The following SEMA6D variants were observed in gnomAD, a reference collection of about 807,000 sequenced individuals.
SEMA6D encodes the protein semaphorin-6D.
SEMA6D carries 35 observed loss-of-function variants against 106.6 expected under a neutral mutation model. The ratio of observed to expected loss-of-function variants is 0.33; its 90% CI spans 0.25 to 0.44. The LOEUF is 0.44. Among genes scored for constraint, SEMA6D ranks in the 20% least tolerant of loss-of-function variants. SEMA6D has a pLI of 1.00. For synonymous variants in SEMA6D, 499 were observed against 487.7 expected, an observed-to-expected ratio of 1.02 and a Z score of -0.31; for missense variants, 1,185 against 1,345.9, an observed-to-expected ratio of 0.88 and a Z score of 1.87.
At chr15:47,500,457 T>C (rs2043812119) in intron 3 of SEMA6D, among the ~76,000 whole-genome samples, 1 of 152,158 alleles carries the variant, frequency 6.6e-6, no homozygotes, top group Admixed American at 6.6e-5. Flanking sequence ...ATTTATTCCA[T>C]ACTTTTATCA....
At chr15:47,510,416 G>A (rs2044188295) in intron 3 of SEMA6D, among the ~76,000 whole-genome samples, 1 of 152,134 alleles carries the variant, frequency 6.6e-6, no homozygotes, top group Non-Finnish European at 1.5e-5. Flanking sequence ...GACCACTGCT[G>A]TAATCTACTG....
chr15:47,385,686 TAAAA>T (rs201948435), intron 1 of SEMA6D, among the ~76,000 whole-genome samples: 1 of 143,626 alleles, frequency 7.0e-6, no homozygotes, highest in Non-Finnish European at 1.5e-5. Context: ...GAATTTTTTT[TAAAA>T]AAAACAAGAA....
At chr15:47,439,373 G>A (rs1385802624) in intron 2 of SEMA6D, among the ~76,000 whole-genome samples, 2 of 152,024 alleles carry the variant, frequency 1.3e-5, no homozygotes, top group African/African-American at 4.8e-5. Context: ...GCCCTTAGAA[G>A]TCTTTAATTA....
intron 4 of SEMA6D, among the ~76,000 whole-genome samples, chr15:47,615,755 G>C (rs568817197): frequency 6.6e-6 from 1 of 152,306 alleles, no homozygotes; most frequent in Admixed American, 6.5e-5. Context: ...TATTTTATTT[G>C]ACACTCATGC....
At chr15:47,343,579 C>T (rs1210975631) in intron 1 of SEMA6D, among the ~76,000 whole-genome samples, 3 of 152,068 alleles carry the variant, frequency 2.0e-5, no homozygotes, top group Admixed American at 6.6e-5. Context: ...CTACAAAGGA[C>T]ATGAACTCAT....
intron 1 of SEMA6D, among the ~76,000 whole-genome samples, chr15:47,256,701 A>G (rs1335417780): frequency 4.6e-5 from 7 of 152,034 alleles, no homozygotes. Context: ...TGTACTAAAA[A>G]TACAAAAATT....
intron 4 of SEMA6D, among the ~76,000 whole-genome samples, chr15:47,611,886 C>A (rs973789319): frequency 6.6e-6 from 1 of 151,858 alleles, no homozygotes; most frequent in Non-Finnish European, 1.5e-5. Context: ...AGCCAGTGCC[C>A]GATGGAAAAT....
At chr15:47,318,522 G>GT (rs1456477910) in intron 1 of SEMA6D, among the ~76,000 whole-genome samples, 24 of 147,774 alleles carry the variant, frequency 1.6e-4, no homozygotes, top group Non-Finnish European at 2.4e-4. Context: ...GCGATGTTTG[G>GT]TTTTTTGTTC....
intron 1 of SEMA6D, among the ~76,000 whole-genome samples, chr15:47,347,959 C>G (rs1387801698): frequency 6.6e-6 from 1 of 152,130 alleles, no homozygotes; most frequent in South Asian, 2.1e-4. Flanking sequence ...CATCTTGTTG[C>G]ATAAATGCTT....
intron 3 of SEMA6D, among the ~76,000 whole-genome samples, chr15:47,583,364 C>G (rs1270661141): frequency 6.6e-6 from 1 of 152,182 alleles, no homozygotes; most frequent in Non-Finnish European, 1.5e-5. Context: ...GAGGTTCTTT[C>G]TGCTCCTTAG....
At chr15:47,436,347 G>A (rs1479270368) in intron 2 of SEMA6D, among the ~76,000 whole-genome samples, 3 of 151,218 alleles carry the variant, frequency 2.0e-5, no homozygotes, top group Non-Finnish European at 4.4e-5. Context: ...CTGAGATTAT[G>A]CCATTGCACC....
chr15:47,630,710 C>A (rs376735762), intron 4 of SEMA6D, among the ~76,000 whole-genome samples: 1 of 151,790 alleles, frequency 6.6e-6, no homozygotes, highest in Non-Finnish European at 1.5e-5. Context: ...TTCATTATTA[C>A]GTATGATATT....
At chr15:47,326,098 T>C (rs1438108965) in intron 1 of SEMA6D, among the ~76,000 whole-genome samples, 1 of 152,176 alleles carries the variant, frequency 6.6e-6, no homozygotes, top group Non-Finnish European at 1.5e-5. Context: ...TAAGCTGTAC[T>C]GCATTGGAGG....
At chr15:47,726,320 T>C (rs1214110604) in intron 1 of SEMA6D, among the ~76,000 whole-genome samples, 1 of 152,258 alleles carries the variant, frequency 6.6e-6, no homozygotes, top group Non-Finnish European at 1.5e-5. Flanking sequence ...CCAACATATA[T>C]TGAGTGCTTA....
intron 2 of SEMA6D, among the ~76,000 whole-genome samples, chr15:47,430,932 G>A (rs1473734022): frequency 2.0e-5 from 3 of 152,126 alleles, no homozygotes; most frequent in Non-Finnish European, 4.4e-5. Flanking sequence ...ATGGTCATGA[G>A]CCCTAGCCAC....
chr15:47,615,298 A>T (rs1285075816), intron 4 of SEMA6D, among the ~76,000 whole-genome samples: 2 of 152,234 alleles, frequency 1.3e-5, no homozygotes, highest in Non-Finnish European at 2.9e-5. Flanking sequence ...ATATGGCAGG[A>T]TGTATATAAG....
At chr15:47,243,683 A>C (rs1321153735) in intron 1 of SEMA6D, among the ~76,000 whole-genome samples, 1 of 152,286 alleles carries the variant, frequency 6.6e-6, no homozygotes, top group East Asian at 1.9e-4. Flanking sequence ...TTTAAATGGC[A>C]GAGCATAATG....
intron 2 of SEMA6D, among the ~76,000 whole-genome samples, chr15:47,454,726 CATT>C (rs1336414436): frequency 2.0e-5 from 3 of 151,892 alleles, no homozygotes; most frequent in African/African-American, 7.2e-5. Flanking sequence ...TTTTCACGTA[CATT>C]TTTTTGAGTC....
chr15:47,719,733 A>G (rs1303484988), intron 1 of SEMA6D, among the ~76,000 whole-genome samples: 1 of 152,030 alleles, frequency 6.6e-6, no homozygotes. Flanking sequence ...GAAGGATTTT[A>G]CTCTCCTTTG....
Sources: gnomAD v4.1 joint callset for allele counts (sites outside exome capture counted in the v4.1 genomes callset) on GRCh38, gnomAD v4.1.1 for gene constraint, MANE v1.5 for transcripts, NCBI Gene and HGNC (gene_info 2026-07-23, HGNC 2026-07-21) for gene names.